The following SLC4A8 variants were observed in gnomAD, a reference collection of about 807,000 sequenced individuals.
SLC4A8 encodes electroneutral sodium bicarbonate exchanger 1.
SLC4A8 carries 40 observed loss-of-function variants against 125.0 expected under a neutral mutation model. The ratio of observed to expected loss-of-function variants is 0.32; its 90% CI spans 0.25 to 0.42. SLC4A8 has a LOEUF of 0.42. SLC4A8 is among the 10% of genes least tolerant of loss of function. The probability of loss-of-function intolerance (pLI) is 1.00; values close to 1 mark genes in which losing one functional copy is unlikely to be tolerated. For synonymous variants in SLC4A8, 456 were observed against 476.0 expected (o/e 0.96, Z 0.55); for missense variants, 863 against 1,355.1 (o/e 0.64, Z 5.70).
chr12:51,459,919 C>T (rs1184584803), intron 7 of SLC4A8, 32 bp from the exon 8 acceptor site: 2 of 1,581,608 alleles, frequency 1.3e-6, no homozygotes, highest in South Asian at 1.2e-5. Context: ...TGGTGGTTCC[C>T]AAGTTGTCAG....
intron 1 of SLC4A8, among the ~76,000 whole-genome samples, chr12:51,393,783 G>A (rs536572560): frequency 6.6e-6 from 1 of 152,254 alleles, no homozygotes; most frequent in Admixed American, 6.5e-5. Flanking sequence ...CACATTCCAG[G>A]CCGTGGGCTT....
At chr12:51,493,545 C>G (rs1951377104) in intron 19 of SLC4A8, among the ~76,000 whole-genome samples, 159 bp from the exon 20 acceptor site, 1 of 152,188 alleles carries the variant, frequency 6.6e-6, no homozygotes, top group South Asian at 2.1e-4. Flanking sequence ...GCTTTTGCTT[C>G]TACTCCTAAG....
At chr12:51,436,896 G>GAGCAT (rs1386650639) in intron 1 of SLC4A8, among the ~76,000 whole-genome samples, 21 of 152,212 alleles carry the variant, frequency 1.4e-4, no homozygotes, top group Non-Finnish European at 2.5e-4. Flanking sequence ...CAAAGTGCTG[G>GAGCAT]GATTATAGGC....
chr12:51,506,791 TC>T (rs750841453), intron 24 of SLC4A8, among the ~76,000 whole-genome samples: 2 of 152,226 alleles, frequency 1.3e-5, no homozygotes, highest in Admixed American at 6.5e-5. Context: ...ATAGCATAGA[TC>T]AACCTTAATC....
intron 14 of SLC4A8, among the ~76,000 whole-genome samples, chr12:51,472,152 T>A (rs534160257): frequency 6.6e-6 from 1 of 152,324 alleles, no homozygotes; most frequent in East Asian, 1.9e-4. Context: ...CCTGGCTGTG[T>A]TTTCAACCAT....
intron 15 of SLC4A8, chr12:51,474,661 A>G (rs1950809564): frequency 7.3e-6 from 6 of 818,414 alleles, no homozygotes; most frequent in South Asian, 6.6e-5. Context: ...TCCCCCCTAC[A>G]TCCTACCCAG....
rs929540405 is a variant in SLC4A8, at chr12:51,508,318, A to G, written c.*880A>G. ...ACTTCCTAGCCTGAAGATTTGTCATAGTGTCTGCTTTCTAGATATCTGGGA... is the reference window on the plus strand; with the variant it reads ...ACTTCCTAGCCTGAAGATTTGTCATGGTGTCTGCTTTCTAGATATCTGGGA... On this transcript the variant is annotated 3_prime_UTR_variant, in exon 25 of 25. Coordinates refer to ENST00000453097, the MANE Select transcript of SLC4A8 (RefSeq NM_001039960.3). The G allele has an allele frequency of 6.6e-6, 1 of 152,572 alleles. No homozygotes were observed. Among genetic ancestry groups the G allele is most frequent in the African/African-American group, 2.4e-5 (1 of 41,464 alleles). 9.5% of individuals were successfully genotyped at this position (152,572 alleles called of 1,614,324 possible). A position where few individuals can be genotyped will look rare whatever the true frequency, so the allele number is the denominator to read the frequency against.
At chr12:51,406,963 G>A (rs989414616) in intron 1 of SLC4A8, among the ~76,000 whole-genome samples, 3 of 152,256 alleles carry the variant, frequency 2.0e-5, no homozygotes, top group Non-Finnish European at 4.4e-5. Flanking sequence ...CTGGGGGTAT[G>A]TCTTACTCCA....
chr12:51,502,074 C>T (rs1394855748), intron 22 of SLC4A8: 1 of 152,022 alleles, frequency 6.6e-6, no homozygotes, highest in Admixed American at 6.5e-5. Flanking sequence ...AAATGAAATA[C>T]CTGGGAATAC....
At chr12:51,406,469 G>C (rs1948491232) in intron 1 of SLC4A8, among the ~76,000 whole-genome samples, 1 of 152,196 alleles carries the variant, frequency 6.6e-6, no homozygotes, top group African/African-American at 2.4e-5. Flanking sequence ...TGATATGAAT[G>C]TGTAACAGAG....
At chr12:51,474,654 C>G in intron 15 of SLC4A8, 1 of 856,814 alleles carries the variant, frequency 1.2e-6, no homozygotes, top group Non-Finnish European at 1.7e-6. Context: ...TCTTTTCTCC[C>G]CCCTACATCC....
In SLC4A8 at chr12:51,489,811, G is replaced by A. The variant is rs773287767; in HGVS notation, c.2560G>A (p.Val854Met). The A allele has an allele frequency of 5.6e-6, 9 of 1,614,216 alleles. No homozygotes were observed. The highest frequency in any genetic ancestry group is 7.6e-6 in the Non-Finnish European group (9 of 1,180,042). Reference protein sequence around the residue: ...VAATVLSITHVNSLKLESECS... With the variant: ...VAATVLSITHMNSLKLESECS... ...TGCAACTGTCTTGTCCATCACACAT[G>A]TGAACAGCCTCAAGCTAGAATCTGA... Residue 854 changes from valine to methionine, a missense_variant, in exon 19 of 25, where the codon GTG (valine) becomes ATG (methionine). Physicochemically the swap from Val to Met is conservative, Grantham distance 21 (BLOSUM62 1). Transcript: ENST00000453097.
intron 1 of SLC4A8, among the ~76,000 whole-genome samples, chr12:51,435,863 C>T (rs77922712): frequency 0.014 from 2,150 of 152,200 alleles, 54 homozygotes; most frequent in African/African-American, 0.049. Flanking sequence ...CATTTCCTGG[C>T]TGGGACCTAT....
intron 11 of SLC4A8, among the ~76,000 whole-genome samples, chr12:51,467,911 A>G (rs1482494107): frequency 6.6e-6 from 1 of 152,236 alleles, no homozygotes; most frequent in Non-Finnish European, 1.5e-5. Context: ...AACAAAATTA[A>G]CAATCATTCT....
At chr12:51,485,975 T>C in intron 17 of SLC4A8, 75 bp downstream of exon 17, 1 of 845,636 alleles carries the variant, frequency 1.2e-6, no homozygotes. Context: ...TTCAAAGGCC[T>C]TTTCATATCC....
intron 1 of SLC4A8, among the ~76,000 whole-genome samples, chr12:51,430,147 A>G (rs2138060538): frequency 6.6e-6 from 1 of 152,214 alleles, no homozygotes; most frequent in Non-Finnish European, 1.5e-5. Context: ...TTTTGCAGAA[A>G]TCTTCACAAT....
chr12:51,505,856 T>C lies in SLC4A8; in HGVS notation c.3195T>C (p.Asn1065=), dbSNP rs1250428441. The change falls in exon 24 of 25, where the codon AAT becomes AAC. Residue 1065 remains asparagine (N), a synonymous_variant. Transcript: ENST00000453097. ...TCAGATGTGACCCCTCTGAGATTAA[T>C]ATATCTGATGAAATGCCTAAAACTA... is the stretch of plus-strand genomic sequence containing the variant. ...ISCRCDPSEI[N]ISDEMPKTTV... 1.3e-6 allele frequency: 2 copies of C among 1,564,162 alleles called. No homozygotes were observed. The highest frequency in any genetic ancestry group is 1.8e-6 in the Non-Finnish European group (2 of 1,137,046).
chr12:51,419,994 G>C (rs1181429878), upstream of SLC4A8: 1 of 152,232 alleles, frequency 6.6e-6, no homozygotes, highest in Non-Finnish European at 1.5e-5. Context: ...ATTGTATTCT[G>C]TAGTCTCTTT....
intron 1 of SLC4A8, among the ~76,000 whole-genome samples, chr12:51,416,512 G>A (rs924252871): frequency 2.6e-5 from 4 of 151,988 alleles, no homozygotes; most frequent in East Asian, 1.9e-4. Context: ...GTGTGGTGGC[G>A]TACGCTTGTA....
Sources: allele counts gnomAD v4.1 joint callset (sites outside exome capture counted in the v4.1 genomes callset), GRCh38; gene constraint gnomAD v4.1.1; transcripts MANE v1.5; gene names NCBI Gene and HGNC (gene_info 2026-07-23, HGNC 2026-07-21).